Variants in CLTC observed in about 807,000 individuals in gnomAD.
CLTC encodes clathrin heavy chain, also known as clathrin heavy chain 1.
In CLTC, 16 loss-of-function variants were observed where a neutral mutation model predicts 195.8. That is an observed-to-expected ratio of 0.08 (90% CI 0.06 to 0.12). CLTC has a LOEUF of 0.12. Ranked by LOEUF, CLTC falls within the 10% of genes least tolerant of loss-of-function variation. The pLI, the probability that CLTC is intolerant of heterozygous loss-of-function variation, is 1.00. For missense variants in CLTC, 796 were observed against 2,027.0 expected (o/e 0.39, Z 11.66); for synonymous variants, 667 against 689.4 (o/e 0.97, Z 0.51).
chr17:59,687,577 C>T (rs890628273), intron 30 of CLTC, among the ~76,000 whole-genome samples: 3 of 151,432 alleles, frequency 2.0e-5, no homozygotes, highest in African/African-American at 4.9e-5. Context: ...ACGAGAGATA[C>T]TAGCTGCTTC....
Position 59,677,110 on chromosome 17 carries a change from A to G in CLTC, c.2718A>G (p.Gly906=), listed in dbSNP as rs1159237947. ...CCTACTATGACAGTCGCGTTGTTGG[A>G]AAGTATTGTGAGAAGAGAGATCCAC... ...ENPYYDSRVV[G]KYCEKRDPHL... Residue 906 remains glycine, a synonymous_variant, in exon 17 of 32, where the codon GGA becomes GGG. Coordinates refer to ENST00000269122, the MANE Select transcript of CLTC (RefSeq NM_004859.4). 1.5e-5 allele frequency: 24 copies of G among 1,613,934 alleles called. No individual in the cohort carries two copies. The highest frequency in any genetic ancestry group is 1.9e-5 in the Non-Finnish European group (23 of 1,180,000).
At chr17:59,667,944 C>T (rs2032767740) in intron 13 of CLTC, among the ~76,000 whole-genome samples, 1 of 152,070 alleles carries the variant, frequency 6.6e-6, no homozygotes, top group Non-Finnish European at 1.5e-5. Flanking sequence ...CTTAATTTTC[C>T]CAGTTTCAAA....
chr17:59,677,075 C>T lies in CLTC; in HGVS notation c.2683C>T (p.Arg895Cys), dbSNP rs1449246482. 1.9e-6 allele frequency: 3 copies of T among 1,613,906 alleles called. No homozygotes were observed. Among genetic ancestry groups the T allele is most frequent in the Non-Finnish European group, 1.7e-6 (2 of 1,179,986 alleles). Residue 895 changes from arginine (R) to cysteine (C), a missense_variant, in exon 17 of 32, where the codon CGT becomes TGT. Physicochemically the swap from Arg to Cys is radical, Grantham distance 180. Transcript: ENST00000269122. ...DSNNNPERFL[R>C]ENPYYDSRVV... ...TAATAACAACCCGGAGAGATTTCTT[C>T]GTGAAAATCCCTACTATGACAGTCG...
intron 31 of CLTC, among the ~76,000 whole-genome samples, chr17:59,691,516 T>G (rs1276802174): frequency 6.6e-6 from 1 of 151,580 alleles, no homozygotes; most frequent in African/African-American, 2.4e-5. Flanking sequence ...CCCAGCTACT[T>G]GGGAGGCTGA....
intron 30 of CLTC, chr17:59,690,146 T>C (rs2033265561): frequency 6.6e-6 from 1 of 152,384 alleles, no homozygotes; most frequent in Admixed American, 6.5e-5. Context: ...TAAACTTCAG[T>C]CTGCAGCTAT....
chr17:59,685,896 T>A lies in CLTC; in HGVS notation c.4827+88T>A. 9.7e-7 allele frequency: 1 copy of A among 1,031,840 alleles called. No individual in the cohort carries two copies. Among genetic ancestry groups the A allele is most frequent in the Non-Finnish European group, 1.4e-6 (1 of 707,886 alleles). 63.9% of individuals were successfully genotyped at this position (1,031,840 alleles called of 1,614,324 possible). On this transcript the variant is annotated intron_variant, in intron 30 of 31. Coordinates refer to ENST00000269122, the MANE Select transcript of CLTC (RefSeq NM_004859.4). This position sits in a 1 kb window ranked among gnomAD's most constrained non-coding sequence, Gnocchi z 5.0. ...TTAATTTTTTTAAATGCTTTTTTCT[T>A]TAGTAGAAGTAAGTCATTTAGTCGA...
Position 59,683,901 on chromosome 17 carries a change from G to T in CLTC, c.4350G>T (p.Pro1450=). 6.2e-7 allele frequency: 1 copy of T among 1,613,538 alleles called. No individual in the cohort carries two copies. The highest frequency in any genetic ancestry group is 8.5e-7 in the Non-Finnish European group (1 of 1,179,514). The part of the protein sequence containing the change: ...SKVKQLPLVK[P]YLRSVQNHNN... ...TTAAACAGCTACCACTGGTGAAACC[G>T]TATTTGCGTTCAGTTCAGAACCATA... The change falls in exon 28 of 32, where the codon CCG becomes CCT. Residue 1450 remains proline, a synonymous_variant. Transcript: ENST00000269122. The surrounding 1 kb of genome is among the most constrained non-coding windows in gnomAD (Gnocchi z 6.1).
At chr17:59,668,992 C>A in intron 14 of CLTC, 52 bp downstream of exon 14, 3 of 1,518,388 alleles carry the variant, frequency 2.0e-6, no homozygotes, top group Non-Finnish European at 2.7e-6. Flanking sequence ...GTTAGCAGTT[C>A]TACAAGGGTT....
rs1291138004 is a variant in CLTC at position 59,620,033 on chromosome 17, C to T, written c.-99C>T. 2.8e-6 allele frequency: 3 copies of T among 1,067,610 alleles called. No homozygotes were observed. The highest frequency in any genetic ancestry group is 4.3e-6 in the Non-Finnish European group (3 of 705,400). The allele number at this position is 1,067,610 out of a possible 1,614,324, so 66.1% of individuals were successfully genotyped here. On this transcript the variant is annotated 5_prime_UTR_variant, in exon 1 of 32. Transcript: ENST00000269122. ...CCGGAGAGGATCCTGCTGAGCCCAG[C>T]CTCCCCCCTCCCCTTCTCCTCCTCT... is the stretch of plus-strand genomic sequence containing the variant.
intron 4 of CLTC, among the ~76,000 whole-genome samples, chr17:59,650,259 G>A (rs1422460593): frequency 2.6e-5 from 4 of 152,242 alleles, no homozygotes; most frequent in African/African-American, 9.6e-5. Flanking sequence ...TTTATGGGAT[G>A]TTTGTGATTA....
chr17:59,638,271 T>G (rs1251585123), intron 1 of CLTC, among the ~76,000 whole-genome samples: 1 of 151,792 alleles, frequency 6.6e-6, no homozygotes. Flanking sequence ...CACTCCAGCT[T>G]GGGTGACAGA....
chr17:59,667,498 T>G (rs2032757725), intron 13 of CLTC, among the ~76,000 whole-genome samples: 1 of 152,190 alleles, frequency 6.6e-6, no homozygotes, highest in Non-Finnish European at 1.5e-5. Context: ...TCAGGTATAA[T>G]AAAATTTTAT....
At chr17:59,658,560 A>AT (rs1210130663) in intron 6 of CLTC, 1 of 152,268 alleles carries the variant, frequency 6.6e-6, no homozygotes, top group African/African-American at 2.4e-5. Flanking sequence ...AACTTGGCAT[A>AT]TTCCCTGAAG....
At chr17:59,691,634 T>A (rs145324745) in intron 31 of CLTC, among the ~76,000 whole-genome samples, 10,919 of 128,026 alleles carry the variant, frequency 0.085, 669 homozygotes, top group African/African-American at 0.2. Flanking sequence ...AAAAAAAAAA[T>A]ATATATATAT....
intron 7 of CLTC, 83 bp downstream of exon 7, chr17:59,660,671 G>C: frequency 1.5e-6 from 2 of 1,337,788 alleles, no homozygotes. Flanking sequence ...AAAGGAACCA[G>C]CTTCCTACAG....
chr17:59,683,987 TA>T lies in CLTC; in HGVS notation c.4434+6del. On this transcript the variant is annotated splice_donor_region_variant and intron_variant, in intron 28 of 31. Transcript: ENST00000269122. The surrounding 1 kb of genome is among the most constrained non-coding windows in gnomAD (Gnocchi z 6.1). ...TTTATTACAGAAGAAGATTATCAGGTAAAACCTTTTGATTCTTGCACATAAT... is the reference window on the plus strand; with the variant it reads ...TTTATTACAGAAGAAGATTATCAGGTAAACCTTTTGATTCTTGCACATAAT... The T allele has an allele frequency of 6.5e-7, 1 of 1,529,660 alleles. No homozygotes were observed. Among genetic ancestry groups the T allele is most frequent in the Non-Finnish European group, 9.1e-7 (1 of 1,104,392 alleles). 94.8% of individuals were successfully genotyped at this position (1,529,660 alleles called of 1,614,324 possible).
chr17:59,692,309 G>C (rs1005422632), intron 31 of CLTC, among the ~76,000 whole-genome samples: 3 of 101,802 alleles, frequency 2.9e-5, no homozygotes, highest in African/African-American at 1.2e-4. Flanking sequence ...GCGAGACTCC[G>C]TCTCAAAAAA....
chr17:59,646,514 T>C lies in CLTC; in HGVS notation c.251-884T>C, dbSNP rs140583568. Among the ~76,000 whole-genome samples, 81 of 151,186 alleles carry C rather than the reference T, an allele frequency of 5.4e-4. 1 individual carries two copies. The East Asian group carries it at 0.013, about 24-fold the overall frequency. Reference sequence around the variant, plus strand: ...TTTTGGTCCTTCAGGAGCCAGATTCTCTGTGTCTCAGGAATGGTGTTTTTC... The same window carrying C: ...TTTTGGTCCTTCAGGAGCCAGATTCCCTGTGTCTCAGGAATGGTGTTTTTC... On this transcript the variant is annotated intron_variant, in intron 2 of 31. Transcript: ENST00000269122.
In CLTC at chr17:59,682,237, T is replaced by C; in HGVS notation, c.3443-34T>C. 1 of 1,581,950 alleles carries C rather than the reference T, an allele frequency of 6.3e-7. No individual in the cohort carries two copies. Among genetic ancestry groups the C allele is most frequent in the Non-Finnish European group, 8.6e-7 (1 of 1,159,824 alleles). On this transcript the variant is annotated intron_variant, in intron 21 of 31. Transcript: ENST00000269122. This position sits in a 1 kb window ranked among gnomAD's most constrained non-coding sequence, Gnocchi z 6.8. Reference sequence around the variant, plus strand: ...GGTGAAAGATAAACTAGGATGTTAGTGTTTGGATATATTTTTTCTTTTTCT... The same window carrying C: ...GGTGAAAGATAAACTAGGATGTTAGCGTTTGGATATATTTTTTCTTTTTCT...
Sources: gnomAD v4.1 joint callset for allele counts (sites outside exome capture counted in the v4.1 genomes callset) on GRCh38, gnomAD v4.1.1 for gene constraint, Gnocchi (gnomAD v3.1) non-coding constraint, MANE v1.5 for transcripts, NCBI Gene and HGNC (gene_info 2026-07-23, HGNC 2026-07-21) for gene names.